MYH4: variants seen among roughly 807,000 people sequenced by gnomAD.
MYH4 encodes myosin heavy chain 4.
Under a neutral mutation model 229.9 loss-of-function variants are expected in MYH4, and 200 were observed. The observed-to-expected ratio is 0.87, with a 90% CI of 0.78 to 0.98. The LOEUF is 0.98. MYH4 is among the 50% of genes least tolerant of loss of function. The pLI is 0.00. For synonymous variants in MYH4, 761 were observed against 834.6 expected (o/e 0.91, Z 1.52); for missense variants, 2,148 against 2,332.6 (o/e 0.92, Z 1.63).
At chr17:10,467,848 TGA>T (rs2072784126) in intron 2 of MYH4, among the ~76,000 whole-genome samples, 1 of 152,134 alleles carries the variant, frequency 6.6e-6, no homozygotes, top group South Asian at 2.1e-4. Flanking sequence ...AAGGACAGGG[TGA>T]GTGGCCAGAA....
chr17:10,447,764 G>A, intron 34 of MYH4, 54 bp downstream of exon 34: 1 of 1,478,916 alleles, frequency 6.8e-7, no homozygotes, highest in Non-Finnish European at 9.1e-7. Context: ...TAAAATTTGA[G>A]TTACACAGTA....
At chr17:10,457,930 A>G (rs1317508300) in intron 15 of MYH4, among the ~76,000 whole-genome samples, 3 of 152,238 alleles carry the variant, frequency 2.0e-5, no homozygotes, top group African/African-American at 7.2e-5. Flanking sequence ...TAAAAAAAAT[A>G]CATCTGAACT....
intron 2 of MYH4, among the ~76,000 whole-genome samples, chr17:10,467,064 A>G (rs945585483): frequency 6.6e-6 from 1 of 152,188 alleles, no homozygotes; most frequent in Non-Finnish European, 1.5e-5. Flanking sequence ...AATCAGCAAC[A>G]TTTGTGATGC....
intron 20 of MYH4, 37 bp downstream of exon 20, chr17:10,455,135 T>C (rs1303808647): frequency 2.5e-6 from 4 of 1,614,048 alleles, no homozygotes; most frequent in South Asian, 1.1e-5. Flanking sequence ...CTAAAAGTGA[T>C]AGAATTATGA....
At chr17:10,465,344 G>T in intron 5 of MYH4, 98 bp downstream of exon 5, 1 of 1,415,984 alleles carries the variant, frequency 7.1e-7, no homozygotes, top group Non-Finnish European at 9.8e-7. Flanking sequence ...TCATGTTTGT[G>T]CTGAACAGTT....
chr17:10,466,263 G>C lies in MYH4; in HGVS notation c.348+10C>G, dbSNP rs2072765486. On this transcript the variant is annotated intron_variant, in intron 4 of 39. Coordinates refer to ENST00000255381, the MANE Select transcript of MYH4 (RefSeq NM_017533.2). ...GAGTGAGTGAGAAATAGCGTTGAAA[G>C]GGTGCTCACGTAGATCATCCAGGCT... 2 of 1,612,708 alleles carry C rather than the reference G, an allele frequency of 1.2e-6. No individual in the cohort carries two copies. The highest frequency in any genetic ancestry group is 4.5e-5 in the East Asian group (2 of 44,846).
At chr17:10,463,787 T>C (rs933547488) in intron 7 of MYH4, 144 bp from the exon 8 acceptor site, 23 of 630,568 alleles carry the variant, frequency 3.6e-5, no homozygotes, top group Non-Finnish European at 5.7e-5. Flanking sequence ...AGAAGGTAAA[T>C]CGGGAAGGGG....
chr17:10,468,155 A>T (rs1241375040), intron 2 of MYH4, among the ~76,000 whole-genome samples: 5 of 152,224 alleles, frequency 3.3e-5, no homozygotes, highest in African/African-American at 1.2e-4. Context: ...TCTTTGAAGA[A>T]GAAATGTTAT....
In MYH4 at chr17:10,457,875, T is replaced by C. The variant is rs938321113; in HGVS notation, c.1588-146A>G. The C allele has an allele frequency of 4.7e-5, 54 of 1,147,436 alleles. No homozygotes were observed. The African/African-American group carries it at 7.8e-4, about 17-fold the overall frequency. The allele number at this position is 1,147,436 out of a possible 1,614,324, so 71.1% of individuals were successfully genotyped here. ...GGCATGACATGTGAAGCAGTCATTA[T>C]GTACCCAGAACATATGGGAAATATA... is the stretch of plus-strand genomic sequence containing the variant. On this transcript the variant is annotated intron_variant, in intron 15 of 39. Coordinates refer to ENST00000255381, the MANE Select transcript of MYH4 (RefSeq NM_017533.2).
chr17:10,458,387 C>T (rs926065321), intron 15 of MYH4, among the ~76,000 whole-genome samples: 1 of 152,088 alleles, frequency 6.6e-6, no homozygotes, highest in Non-Finnish European at 1.5e-5. Context: ...AAAATAAATG[C>T]CTTTTCTGAA....
intron 35 of MYH4, among the ~76,000 whole-genome samples, chr17:10,446,736 C>T (rs569216241): frequency 1.3e-5 from 2 of 152,118 alleles, no homozygotes; most frequent in African/African-American, 4.8e-5. Flanking sequence ...AAGACAGCTA[C>T]AAATGTTGTG....
At position 10,451,345 on chromosome 17, in the gene MYH4, T is replaced by TG; in HGVS notation, c.3845dup (p.Arg1283ThrfsTer8). ...ACTGACCTGATTCTGTGTGTAAACG[T>TG]GCCTTCTGGGCTGACAACTCATTTA... is the stretch of plus-strand genomic sequence containing the variant. On this transcript the variant is annotated frameshift_variant, in exon 28 of 40. Coordinates refer to ENST00000255381, the MANE Select transcript of MYH4 (RefSeq NM_017533.2). LOFTEE classifies it high-confidence loss of function. The TG allele has an allele frequency of 6.2e-7, 1 of 1,614,042 alleles. No homozygotes were observed. Among genetic ancestry groups the TG allele is most frequent in the Non-Finnish European group, 8.5e-7 (1 of 1,179,988 alleles).
At chr17:10,447,460 G>A (rs985626638) in intron 34 of MYH4, among the ~76,000 whole-genome samples, 5 of 152,100 alleles carry the variant, frequency 3.3e-5, no homozygotes, top group African/African-American at 1.2e-4. Flanking sequence ...CAAAATTTTG[G>A]ATCAGGAAAG....
chr17:10,451,331 T>C lies in MYH4; in HGVS notation c.3860A>G (p.Glu1287Gly). The C allele has an allele frequency of 6.2e-7, 1 of 1,613,810 alleles. No homozygotes were observed. The highest frequency in any genetic ancestry group is 8.5e-7 in the Non-Finnish European group (1 of 1,179,916). ...GATGCTATTTATTTACTGACCTGATTCTGTGTGTAAACGTGCCTTCTGGGC... is the reference window on the plus strand; with the variant it reads ...GATGCTATTTATTTACTGACCTGATCCTGTGTGTAAACGTGCCTTCTGGGC... The part of the protein sequence containing the change: ...LSAQKARLHT[E>G]SGEFSRQLDE... Residue 1287 changes from glutamate (E) to glycine (G), a missense_variant, in exon 28 of 40, where the codon GAA becomes GGA. Physicochemically the swap from Glu to Gly is moderately conservative, Grantham distance 98. Coordinates refer to ENST00000255381, the MANE Select transcript of MYH4 (RefSeq NM_017533.2).
chr17:10,467,855 C>T (rs1049324830), intron 2 of MYH4, among the ~76,000 whole-genome samples: 5 of 152,104 alleles, frequency 3.3e-5, no homozygotes, highest in Admixed American at 3.3e-4. Flanking sequence ...GGGTGAGTGG[C>T]CAGAATAAAA....
chr17:10,456,018 T>G (rs1366354191), intron 17 of MYH4, 117 bp from the exon 18 acceptor site: 9 of 1,262,730 alleles, frequency 7.1e-6, no homozygotes, highest in Admixed American at 4.1e-5. Context: ...AAAAACAAAT[T>G]ATCATAACAG....
Position 10,447,989 on chromosome 17 carries a change from C to T in MYH4, c.4794G>A (p.Val1598=), listed in dbSNP as rs2072530232. The part of the protein sequence containing the change: ...DQLKRNHLRV[V]ESMQSTLDAE... ...CATCCAGTGTACTCTGCATTGACTC[C>T]ACAACTCTGAGATGGTTCCTCTTTA... Residue 1598 remains valine (V), a synonymous_variant, in exon 34 of 40, where the codon GTG becomes GTA. Transcript: ENST00000255381. The T allele has an allele frequency of 1.9e-6, 3 of 1,613,900 alleles. No homozygotes were observed. In the African/African-American group the frequency reaches 4.0e-5, roughly 22 times the overall value.
At chr17:10,453,547 T>G (rs2072602052) in intron 23 of MYH4, 96 bp downstream of exon 23, 1 of 1,588,170 alleles carries the variant, frequency 6.3e-7, no homozygotes, top group Non-Finnish European at 8.6e-7. Flanking sequence ...GACAGTGGTA[T>G]TTTTTATATT....
At chr17:10,463,795 G>C in intron 7 of MYH4, 152 bp from the exon 8 acceptor site, 1 of 603,288 alleles carries the variant, frequency 1.7e-6, no homozygotes, top group East Asian at 2.9e-5. Context: ...AATCGGGAAG[G>C]GGAGTGGGAC....
Sources: gnomAD v4.1 joint callset for allele counts (sites outside exome capture counted in the v4.1 genomes callset) on GRCh38, gnomAD v4.1.1 for gene constraint, MANE v1.5 for transcripts, NCBI Gene and HGNC (gene_info 2026-07-23, HGNC 2026-07-21) for gene names.